Variants in PRMT8 observed in about 807,000 individuals in gnomAD.
The protein encoded by PRMT8 is protein arginine methyltransferase 8.
Under a neutral mutation model 47.1 loss-of-function variants are expected in PRMT8, and 7 were observed. The ratio of observed to expected loss-of-function variants is 0.15; its 90% CI spans 0.08 to 0.28. PRMT8 has a LOEUF of 0.28. Among genes scored for constraint, PRMT8 ranks in the 10% least tolerant of loss-of-function variants. The pLI is 1.00. For synonymous variants in PRMT8, 188 were observed against 186.5 expected, an observed-to-expected ratio of 1.01 and a Z score of -0.07; for missense variants, 237 against 505.4, an observed-to-expected ratio of 0.47 and a Z score of 5.09.
rs964808594 is a variant in PRMT8, at chr12:3,397,745, C to G, written c.48+16303C>G. On this transcript the variant is annotated intron_variant, in intron 1 of 9. Coordinates refer to the PRMT8 transcript ENST00000452611. ...GAGCTGTGGTGGGCTCCCCCCAGTTCGTGCTTCCCGGCTGCTTTGTTTACC... is the reference window on the plus strand; with the variant it reads ...GAGCTGTGGTGGGCTCCCCCCAGTTGGTGCTTCCCGGCTGCTTTGTTTACC... Among the ~76,000 whole-genome samples the G allele has an allele frequency of 1.2e-3, 186 of 151,672 alleles. 3 individuals are homozygous for G. Among genetic ancestry groups the G allele is most frequent in the South Asian group, 4.6e-3 (22 of 4,754 alleles).
chr12:3,471,866 C>A (rs1044992951), intron 1 of PRMT8, among the ~76,000 whole-genome samples: 1 of 151,678 alleles, frequency 6.6e-6, no homozygotes, highest in Non-Finnish European at 1.5e-5. Flanking sequence ...CAAAGATGGG[C>A]TTTTTTGCCC....
intron 1 of PRMT8, among the ~76,000 whole-genome samples, chr12:3,469,806 A>G (rs868060336): frequency 1.3e-5 from 2 of 152,216 alleles, no homozygotes; most frequent in African/African-American, 4.8e-5. Context: ...TCTGGAAGAC[A>G]CTAAGGAATG....
chr12:3,575,559 G>A (rs1022448353), intron 6 of PRMT8, among the ~76,000 whole-genome samples: 3 of 152,160 alleles, frequency 2.0e-5, no homozygotes, highest in South Asian at 2.1e-4. Flanking sequence ...TTGAGCCCTC[G>A]CCCCCCTGTT....
chr12:3,534,866 C>T (rs185279105), intron 1 of PRMT8, among the ~76,000 whole-genome samples: 1 of 152,266 alleles, frequency 6.6e-6, no homozygotes, highest in African/African-American at 2.4e-5. Context: ...TACTGGTTGA[C>T]ATCTTGGCTG....
chr12:3,487,160 A>G (rs1394680241), upstream of PRMT8, among the ~76,000 whole-genome samples: 1 of 152,174 alleles, frequency 6.6e-6, no homozygotes, highest in Non-Finnish European at 1.5e-5. Context: ...TGAGGTGGTG[A>G]TGGATCATGG....
intron 4 of PRMT8, among the ~76,000 whole-genome samples, chr12:3,561,208 G>A (rs1479049508): frequency 2.0e-5 from 3 of 152,090 alleles, no homozygotes; most frequent in African/African-American, 4.8e-5. Flanking sequence ...ACAGAGGGTC[G>A]TGCTAAGAAT....
intron 8 of PRMT8, among the ~76,000 whole-genome samples, chr12:3,590,937 C>A (rs1029180386): frequency 6.6e-6 from 1 of 152,070 alleles, no homozygotes; most frequent in Non-Finnish European, 1.5e-5. Context: ...TGCAGACAAA[C>A]GGGGATGGGG....
intron 1 of PRMT8, among the ~76,000 whole-genome samples, chr12:3,420,855 T>C (rs1043610392): frequency 5.3e-5 from 8 of 152,126 alleles, no homozygotes; most frequent in Non-Finnish European, 8.8e-5. Flanking sequence ...CACAGGGCAG[T>C]GAGGGAGAAG....
Position 3,564,053 on chromosome 12 carries a change from C to T in PRMT8, c.482-4653C>T, listed in dbSNP as rs761072573. ...GGAAATAGGAAGCTAAAATAGACAA[C>T]GAAGAGAAGGAATGCATACGCTGGA... On this transcript the variant is annotated intron_variant, in intron 4 of 9. Coordinates refer to ENST00000382622, the MANE Select transcript of PRMT8 (RefSeq NM_019854.5). This position sits in a 1 kb window ranked among gnomAD's most constrained non-coding sequence, Gnocchi z 4.0. 1.5e-4 allele frequency among the ~76,000 whole-genome samples: 23 copies of T among 152,028 alleles called. No individual in the cohort carries two copies. The highest frequency in any genetic ancestry group is 2.6e-4 in the Non-Finnish European group (18 of 68,028).
chr12:3,577,107 A>G, intron 7 of PRMT8, 121 bp downstream of exon 7: 1 of 786,820 alleles, frequency 1.3e-6, no homozygotes, highest in Non-Finnish European at 2.1e-6. Flanking sequence ...TGCCTTGGCC[A>G]GAGCCTGTGA....
intron 1 of PRMT8, among the ~76,000 whole-genome samples, chr12:3,429,915 T>G (rs1467299633): frequency 1.3e-5 from 2 of 152,198 alleles, no homozygotes; most frequent in African/African-American, 4.8e-5. Flanking sequence ...CTAAGCTGCC[T>G]AAGGGGCTGC....
At chr12:3,386,461 T>A (rs974693470) in intron 1 of PRMT8, among the ~76,000 whole-genome samples, 2 of 152,234 alleles carry the variant, frequency 1.3e-5, no homozygotes, top group Admixed American at 6.5e-5. Flanking sequence ...CCACTTCTAA[T>A]ATCAATAAAC....
chr12:3,460,718 G>C (rs985991458), intron 1 of PRMT8, among the ~76,000 whole-genome samples: 1 of 151,764 alleles, frequency 6.6e-6, no homozygotes, highest in South Asian at 2.1e-4. Context: ...CAGCTAGCAA[G>C]TAAGAAGCTA....
intron 1 of PRMT8, among the ~76,000 whole-genome samples, chr12:3,517,259 C>T (rs1865809067): frequency 6.6e-6 from 1 of 152,162 alleles, no homozygotes; most frequent in Non-Finnish European, 1.5e-5. Context: ...GTCTCTGAGT[C>T]CATTCCTTGG....
Position 3,540,613 on chromosome 12 carries a change from G to GCCCCCCCCACC in PRMT8, c.90_91insCACCCCCCCCC (p.Ser31HisfsTer39). ...CCCTTCTCTTCCCCTCAGGTGAACA[G>GCCCCCCCCACC]CCCCCCCTCCCAGCCCCCCCAGCCC... On this transcript the variant is annotated frameshift_variant, in exon 2 of 10. Coordinates refer to ENST00000382622, the MANE Select transcript of PRMT8 (RefSeq NM_019854.5). LOFTEE classifies it high-confidence loss of function. 1.8e-6 allele frequency: 2 copies of GCCCCCCCCACC among 1,130,522 alleles called. No homozygotes were observed. The highest frequency in any genetic ancestry group is 2.7e-6 in the Non-Finnish European group (2 of 752,492). The allele number at this position is 1,130,522 out of a possible 1,614,324, so 70.0% of individuals were successfully genotyped here. A position where few individuals can be genotyped will look rare whatever the true frequency, so the allele number is the denominator to read the frequency against.
intron 1 of PRMT8, among the ~76,000 whole-genome samples, chr12:3,406,143 C>G (rs944648307): frequency 6.6e-6 from 1 of 152,266 alleles, no homozygotes; most frequent in Non-Finnish European, 1.5e-5. Flanking sequence ...AGTCTTGGGA[C>G]TTGCACCTTT....
At chr12:3,464,942 T>C (rs1051475079) in intron 1 of PRMT8, among the ~76,000 whole-genome samples, 3 of 151,782 alleles carry the variant, frequency 2.0e-5, no homozygotes, top group African/African-American at 7.3e-5. Context: ...CTGACCAACA[T>C]AGAGAAACCC....
intron 1 of PRMT8, among the ~76,000 whole-genome samples, chr12:3,472,610 C>T (rs200399472): frequency 6.6e-6 from 1 of 152,180 alleles, no homozygotes; most frequent in Admixed American, 6.5e-5. Flanking sequence ...CCAAGTGACT[C>T]TGTGTTTTCT....
intron 6 of PRMT8, among the ~76,000 whole-genome samples, chr12:3,574,475 C>T (rs1866903959): frequency 6.6e-6 from 1 of 152,240 alleles, no homozygotes; most frequent in Admixed American, 6.5e-5. Context: ...ACCACTGAAC[C>T]AAAATCCTTA....
Sources: gnomAD v4.1 joint callset for allele counts (sites outside exome capture counted in the v4.1 genomes callset) on GRCh38, gnomAD v4.1.1 for gene constraint, Gnocchi (gnomAD v3.1) non-coding constraint, MANE v1.5 for transcripts, NCBI Gene and HGNC (gene_info 2026-07-23, HGNC 2026-07-21) for gene names.